Variants in ANKFN1 observed in about 807,000 individuals in gnomAD.
ANKFN1 encodes ankyrin repeat and fibronectin type-III domain-containing protein 1.
In ANKFN1, 74 loss-of-function variants were observed where a neutral mutation model predicts 108.7. The observed-to-expected ratio is 0.68, with a 90% CI of 0.56 to 0.83. The LOEUF (loss-of-function observed/expected upper bound fraction) is 0.83, where lower values mean the gene tolerates loss of function less well. Among genes scored for constraint, ANKFN1 ranks in the 40% least tolerant of loss-of-function variants. The pLI is 0.00. For missense variants in ANKFN1, 1,505 were observed against 1,382.3 expected, an observed-to-expected ratio of 1.09 and a Z score of -1.41; for synonymous variants, 547 against 516.2, an observed-to-expected ratio of 1.06 and a Z score of -0.81.
chr17:56,436,730 T>A (rs1319246215), intron 8 of ANKFN1, among the ~76,000 whole-genome samples: 1 of 150,922 alleles, frequency 6.6e-6, no homozygotes, highest in Non-Finnish European at 1.5e-5. Flanking sequence ...CTTGGGAGGC[T>A]GAGACAGGAA....
intron 3 of ANKFN1, among the ~76,000 whole-genome samples, chr17:56,294,010 G>A (rs1433465376): frequency 6.6e-6 from 1 of 152,180 alleles, no homozygotes. Context: ...GAATCCTTTA[G>A]GGGCATATTC....
chr17:56,436,823 G>A (rs1304200632), intron 8 of ANKFN1, among the ~76,000 whole-genome samples: 1 of 146,806 alleles, frequency 6.8e-6, no homozygotes, highest in African/African-American at 2.5e-5. Flanking sequence ...GGCAACAAGA[G>A]CGAAACTCCA....
At chr17:56,302,275 G>A (rs140143137) in intron 3 of ANKFN1, among the ~76,000 whole-genome samples, 8 of 152,162 alleles carry the variant, frequency 5.3e-5, no homozygotes, top group East Asian at 1.9e-4. Context: ...CGGTAATCCC[G>A]TTCCTTGGGG....
At chr17:56,426,827 A>G (rs1034883722) in intron 8 of ANKFN1, among the ~76,000 whole-genome samples, 12 of 152,226 alleles carry the variant, frequency 7.9e-5, no homozygotes, top group African/African-American at 2.7e-4. Flanking sequence ...ATGGAGATTT[A>G]TGTCTCAACA....
At chr17:56,300,254 C>T (rs1355647297) in intron 3 of ANKFN1, among the ~76,000 whole-genome samples, 2 of 152,136 alleles carry the variant, frequency 1.3e-5, no homozygotes, top group Non-Finnish European at 2.9e-5. Flanking sequence ...TAGCACATTT[C>T]AGTTACAGAG....
In ANKFN1 at chr17:56,209,417, C is replaced by T. The variant is rs563203919; in HGVS notation, c.-70-3181C>T. Among the ~76,000 whole-genome samples the T allele has an allele frequency of 4.7e-4, 72 of 152,258 alleles. 1 individual carries two copies. Among genetic ancestry groups the T allele is most frequent in the African/African-American group, 1.7e-3 (70 of 41,568 alleles). On this transcript the variant is annotated intron_variant, in intron 1 of 20. Coordinates refer to ENST00000682825, the MANE Select transcript of ANKFN1 (RefSeq NM_001370326.1). ...TGATAGGATATCAATAGGATAACAG[C>T]ACTAGGGTAAACTTACTTAGAAGGT... is the stretch of plus-strand genomic sequence containing the variant.
At chr17:56,117,258 A>G (rs887712615) in intron 4 of ANKFN1, among the ~76,000 whole-genome samples, 8 of 152,250 alleles carry the variant, frequency 5.3e-5, no homozygotes, top group East Asian at 1.9e-4. Flanking sequence ...TGAATTTTCT[A>G]TGAATACATG....
chr17:56,281,773 A>T (rs1278345048), intron 3 of ANKFN1, among the ~76,000 whole-genome samples: 1 of 152,208 alleles, frequency 6.6e-6, no homozygotes, highest in Non-Finnish European at 1.5e-5. Flanking sequence ...AAGGAAATGC[A>T]AATTAACATC....
intron 8 of ANKFN1, among the ~76,000 whole-genome samples, chr17:56,399,834 T>G (rs1269097612): frequency 1.3e-5 from 1 of 77,874 alleles, no homozygotes; most frequent in African/African-American, 5.8e-5. Context: ...CTGAGTAGTA[T>G]TCCATTTTTT....
intron 15 of ANKFN1, among the ~76,000 whole-genome samples, chr17:56,469,194 ACATTCCCACCTGATGT>A (rs2050231257): frequency 6.6e-6 from 1 of 151,988 alleles, no homozygotes; most frequent in African/African-American, 2.4e-5. Context: ...GCTGACTGGC[ACATTCCCACCTGATGT>A]CATTCCCACC....
At chr17:56,125,410 C>T (rs374581486) in intron 4 of ANKFN1, among the ~76,000 whole-genome samples, 1 of 152,166 alleles carries the variant, frequency 6.6e-6, no homozygotes, top group African/African-American at 2.4e-5. Context: ...TAAAAAGGAA[C>T]CTGGGAAAAA....
At chr17:56,430,103 A>T (rs1312815623) in intron 8 of ANKFN1, among the ~76,000 whole-genome samples, 3 of 152,242 alleles carry the variant, frequency 2.0e-5, no homozygotes, top group East Asian at 3.9e-4. Context: ...TCCTGTTTTC[A>T]TCTGTAAGAA....
intron 20 of ANKFN1, among the ~76,000 whole-genome samples, chr17:56,504,952 T>A (rs1484034160): frequency 6.6e-6 from 1 of 151,346 alleles, no homozygotes; most frequent in African/African-American, 2.4e-5. Context: ...GGATTACAGG[T>A]GTGAGCCACC....
chr17:56,502,312 G>A (rs926434966), intron 20 of ANKFN1, among the ~76,000 whole-genome samples: 7 of 152,166 alleles, frequency 4.6e-5, no homozygotes, highest in African/African-American at 1.4e-4. Flanking sequence ...AAACTCTCAC[G>A]TTGGCCTGAA....
chr17:56,207,527 T>A (rs780104395), intron 1 of ANKFN1, among the ~76,000 whole-genome samples: 2 of 152,196 alleles, frequency 1.3e-5, no homozygotes, highest in African/African-American at 2.4e-5. Context: ...CAGGCCTTGA[T>A]TGAATTATGC....
At chr17:56,315,370 T>C (rs1387357500) in intron 3 of ANKFN1, among the ~76,000 whole-genome samples, 2 of 152,206 alleles carry the variant, frequency 1.3e-5, no homozygotes, top group East Asian at 3.8e-4. Flanking sequence ...TCAGCCTTGG[T>C]TGTAGTTGTA....
chr17:56,345,066 C>T (rs557174450), intron 4 of ANKFN1, among the ~76,000 whole-genome samples: 32 of 152,036 alleles, frequency 2.1e-4, no homozygotes, highest in Non-Finnish European at 4.1e-4. Flanking sequence ...CCGACAGACC[C>T]CAGTGTGTGA....
chr17:56,072,114 A>C (rs905934513), intron 4 of ANKFN1, among the ~76,000 whole-genome samples: 1 of 152,216 alleles, frequency 6.6e-6, no homozygotes, highest in Non-Finnish European at 1.5e-5. Flanking sequence ...TATTGGGATA[A>C]ATCTGTATAC....
intron 3 of ANKFN1, among the ~76,000 whole-genome samples, chr17:56,312,427 C>G (rs894789331): frequency 6.6e-6 from 1 of 152,132 alleles, no homozygotes; most frequent in Non-Finnish European, 1.5e-5. Context: ...TTCTGCTGAT[C>G]TTACTCTGAC....
Sources: allele counts gnomAD v4.1 joint callset (sites outside exome capture counted in the v4.1 genomes callset), GRCh38; gene constraint gnomAD v4.1.1; transcripts MANE v1.5; gene names NCBI Gene and HGNC (gene_info 2026-07-23, HGNC 2026-07-21).